HVCN1: variants seen among roughly 807,000 people sequenced by gnomAD.
HVCN1 encodes the protein hydrogen voltage gated channel 1, also known as voltage-gated hydrogen channel 1.
A neutral mutation model predicts 29.2 loss-of-function variants in HVCN1; 14 were observed. The observed-to-expected ratio is 0.48, with a 90% CI of 0.32 to 0.75. The LOEUF is 0.75. Among genes scored for constraint, HVCN1 ranks in the 30% least tolerant of loss-of-function variants. The probability of loss-of-function intolerance (pLI) is 0.04; values close to 1 mark genes in which losing one functional copy is unlikely to be tolerated. For synonymous variants in HVCN1, 131 were observed against 133.2 expected (o/e 0.98, Z 0.11); for missense variants, 263 against 341.8 (o/e 0.77, Z 1.82).
At chr12:110,652,148 C>G (rs1361846506) in intron 5 of HVCN1, among the ~76,000 whole-genome samples, 1 of 152,212 alleles carries the variant, frequency 6.6e-6, no homozygotes, top group Non-Finnish European at 1.5e-5. Context: ...AATCCCAGCA[C>G]TTTGGGAGGC....
intron 3 of HVCN1, among the ~76,000 whole-genome samples, chr12:110,673,441 A>T (rs951140266): frequency 1.3e-5 from 2 of 152,246 alleles, no homozygotes; most frequent in Non-Finnish European, 2.9e-5. Flanking sequence ...GTGATAGAAA[A>T]GAAAAACCCA....
At chr12:110,686,612 G>A (rs1002167629) in intron 2 of HVCN1, among the ~76,000 whole-genome samples, 7 of 152,156 alleles carry the variant, frequency 4.6e-5, no homozygotes, top group African/African-American at 4.8e-5. Flanking sequence ...TAGCACACAC[G>A]CAGAGGAACA....
rs537432372 is a variant in HVCN1 at position 110,649,269 on chromosome 12, C to A, written c.*141G>T. On this transcript the variant is annotated 3_prime_UTR_variant, in exon 8 of 8. Transcript: ENST00000242607. Reference sequence around the variant, plus strand: ...GGACCTTCCACAAGGCTGTGTCCACCCAGAATCCATGCTGGCAGGAGGGAG... The same window carrying A: ...GGACCTTCCACAAGGCTGTGTCCACACAGAATCCATGCTGGCAGGAGGGAG... 2.4e-4 allele frequency: 171 copies of A among 709,578 alleles called. 1 individual carries two copies. In the African/African-American group the frequency reaches 2.5e-3, roughly 10 times the overall value. 44.0% of individuals were successfully genotyped at this position (709,578 alleles called of 1,614,324 possible).
At chr12:110,680,714 C>T (rs1364498771) in intron 3 of HVCN1, among the ~76,000 whole-genome samples, 2 of 152,106 alleles carry the variant, frequency 1.3e-5, no homozygotes, top group African/African-American at 4.8e-5. Context: ...GCCAGGAGTT[C>T]GAGACCAGCC....
At chr12:110,649,909 G>C (rs1037970569) in intron 7 of HVCN1, among the ~76,000 whole-genome samples, 36 of 152,150 alleles carry the variant, frequency 2.4e-4, no homozygotes, top group Middle Eastern at 3.4e-3. Context: ...GCAATGGCGC[G>C]ATCTTGGCTC....
chr12:110,666,965 T>G (rs1414810425), intron 3 of HVCN1, among the ~76,000 whole-genome samples: 1 of 152,178 alleles, frequency 6.6e-6, no homozygotes, highest in African/African-American at 2.4e-5. Flanking sequence ...CTGAGTCTTG[T>G]ATGACACCTG....
intron 5 of HVCN1, among the ~76,000 whole-genome samples, chr12:110,654,172 C>T (rs563330769): frequency 1.2e-4 from 18 of 151,362 alleles, no homozygotes; most frequent in East Asian, 5.9e-4. Flanking sequence ...CAGTGTCGCA[C>T]GCCTGTAATC....
In HVCN1 at chr12:110,661,010, A is replaced by ACGGT. The variant is rs1377836869; in HGVS notation, c.306+150_306+153dup. 6.6e-6 allele frequency among the ~76,000 whole-genome samples: 1 copy of ACGGT among 152,216 alleles called. No individual in the cohort carries two copies. Among genetic ancestry groups the ACGGT allele is most frequent in the Non-Finnish European group, 1.5e-5 (1 of 68,034 alleles). ...GAGATCTGCCTACCGCATTCCCAGC[A>ACGGT]CGGTACAGGGTCCCCGGCACGTGGT... On this transcript the variant is annotated intron_variant, in intron 4 of 7. Transcript: ENST00000242607. The surrounding 1 kb of genome is among the most constrained non-coding windows in gnomAD (Gnocchi z 6.2).
rs756727751 is a variant in HVCN1, at chr12:110,661,025, C to T, written c.306+139G>A. On this transcript the variant is annotated intron_variant, in intron 4 of 7. Coordinates refer to ENST00000242607, the MANE Select transcript of HVCN1 (RefSeq NM_032369.4). The surrounding 1 kb of genome is among the most constrained non-coding windows in gnomAD (Gnocchi z 6.2). ...CATTCCCAGCACGGTACAGGGTCCC[C>T]GGCACGTGGTAGGTGCTGGGCAAAC... 9.9e-6 allele frequency: 8 copies of T among 805,058 alleles called. No individual in the cohort carries two copies. Among genetic ancestry groups the T allele is most frequent in the Admixed American group, 2.4e-5 (1 of 42,306 alleles). 49.9% of individuals were successfully genotyped at this position (805,058 alleles called of 1,614,324 possible).
intron 7 of HVCN1, 69 bp downstream of exon 7, chr12:110,650,097 GGC>G (rs537971493): frequency 1.2e-4 from 117 of 996,476 alleles, no homozygotes; most frequent in Non-Finnish European, 1.6e-4. Context: ...CACCTGCCTT[GGC>G]CTCCCAAAGT....
In HVCN1 at chr12:110,676,736, G is replaced by C. The variant is rs1435199684; in HGVS notation, c.21+6489C>G. Among the ~76,000 whole-genome samples the C allele has an allele frequency of 3.3e-5, 5 of 152,146 alleles. No individual in the cohort carries two copies. Among genetic ancestry groups the C allele is most frequent in the Non-Finnish European group, 5.9e-5 (4 of 68,030 alleles). On this transcript the variant is annotated intron_variant, in intron 3 of 7. Transcript: ENST00000242607. This position sits in a 1 kb window ranked among gnomAD's most constrained non-coding sequence, Gnocchi z 4.1. The stretch of plus-strand genomic sequence containing the variant: ...ACCCAGGAGAGGGCTCTGGAAGCTT[G>C]TGCCAGGTTTTTTCTGAACTTCACC...
At chr12:110,681,668 A>G (rs2068977110) in intron 3 of HVCN1, among the ~76,000 whole-genome samples, 1 of 152,138 alleles carries the variant, frequency 6.6e-6, no homozygotes, top group Non-Finnish European at 1.5e-5. Flanking sequence ...CACCATCATC[A>G]TCATCATCAT....
At chr12:110,650,632 C>T (rs1317564576) in intron 6 of HVCN1, among the ~76,000 whole-genome samples, 1 of 152,144 alleles carries the variant, frequency 6.6e-6, no homozygotes, top group African/African-American at 2.4e-5. Context: ...CCCCCTTTCC[C>T]CATAACAGGC....
At chr12:110,669,643 C>G (rs1164746642) in intron 3 of HVCN1, among the ~76,000 whole-genome samples, 1 of 152,162 alleles carries the variant, frequency 6.6e-6, no homozygotes, top group Non-Finnish European at 1.5e-5. Context: ...TTCTCCCTCA[C>G]CCCAGTTGGG....
In HVCN1 at chr12:110,651,411, A is replaced by G; in HGVS notation, c.449T>C (p.Phe150Ser). Reference sequence around the variant, plus strand: ...TAATTTAAAGATGATCTCCATCATAAAAAAGACCAAGATGGTGATGCTCAT... The same window carrying G: ...TAATTTAAAGATGATCTCCATCATAGAAAAGACCAAGATGGTGATGCTCAT... ...HYMSITILVF[F>S]MMEIIFKLFV... is the part of the protein sequence containing the mutation. Residue 150 changes from phenylalanine to serine, a missense_variant, in exon 6 of 8, where the codon TTT (phenylalanine) becomes TCT (serine). Phe to Ser is a radical substitution (Grantham distance 155). Transcript: ENST00000242607. The G allele has an allele frequency of 6.2e-7, 1 of 1,613,942 alleles. No individual in the cohort carries two copies. The highest frequency in any genetic ancestry group is 8.5e-7 in the Non-Finnish European group (1 of 1,179,804).
At chr12:110,678,878 G>A (rs2136410963) in intron 3 of HVCN1, among the ~76,000 whole-genome samples, 1 of 152,360 alleles carries the variant, frequency 6.6e-6, no homozygotes, top group South Asian at 2.1e-4. Flanking sequence ...ATGACTGAGA[G>A]GGGAGTCTGG....
At position 110,661,878 on chromosome 12, in the gene HVCN1, G is replaced by A. The variant is rs192794583; in HGVS notation, c.22-430C>T. On this transcript the variant is annotated intron_variant, in intron 3 of 7. Coordinates refer to ENST00000242607, the MANE Select transcript of HVCN1 (RefSeq NM_032369.4). The surrounding 1 kb of genome is among the most constrained non-coding windows in gnomAD (Gnocchi z 6.2). The stretch of plus-strand genomic sequence containing the variant: ...ACCCAGAGTTTCATAGAAAAGTCAC[G>A]AGATCCCCACCCATCACGCCACACA... Among the ~76,000 whole-genome samples the A allele has an allele frequency of 3.3e-5, 5 of 152,252 alleles. No individual in the cohort carries two copies. Among genetic ancestry groups the A allele is most frequent in the East Asian group, 1.9e-4 (1 of 5,178 alleles).
At chr12:110,698,974 A>G (rs2069533342) in intron 2 of HVCN1, among the ~76,000 whole-genome samples, 1 of 152,174 alleles carries the variant, frequency 6.6e-6, no homozygotes, top group Admixed American at 6.5e-5. Context: ...CTAAAAATAC[A>G]AAAATTAGCC....
At chr12:110,696,710 T>C (rs1225960818) in intron 2 of HVCN1, among the ~76,000 whole-genome samples, 1 of 152,192 alleles carries the variant, frequency 6.6e-6, no homozygotes, top group Non-Finnish European at 1.5e-5. Context: ...GTGTCATTCA[T>C]TGAGCACAAT....
Sources: allele counts gnomAD v4.1 joint callset (sites outside exome capture counted in the v4.1 genomes callset), GRCh38; gene constraint gnomAD v4.1.1; non-coding constraint Gnocchi (gnomAD v3.1); transcripts MANE v1.5; gene names NCBI Gene and HGNC (gene_info 2026-07-23, HGNC 2026-07-21).